The following NTM variants were observed in gnomAD, a reference collection of about 807,000 sequenced individuals.
The protein encoded by NTM is neurotrimin, also known as IgLON family member 2.
In NTM, 13 loss-of-function variants were observed where a neutral mutation model predicts 42.1. That is an observed-to-expected ratio of 0.31 (90% CI 0.20 to 0.49). The LOEUF (loss-of-function observed/expected upper bound fraction) is 0.49. NTM is among the 20% of genes least tolerant of loss of function. The pLI is 0.99. For missense variants in NTM, 373 were observed against 452.8 expected (o/e 0.82, Z 1.60); for synonymous variants, 187 against 179.2 (o/e 1.04, Z -0.35).
intron 1 of NTM, among the ~76,000 whole-genome samples, chr11:131,830,189 A>C (rs918255820): frequency 6.6e-6 from 1 of 152,006 alleles, no homozygotes; most frequent in Non-Finnish European, 1.5e-5. Flanking sequence ...ATTAAGTTCC[A>C]CTTGTCGATT....
chr11:132,033,176 C>T (rs1432911321), intron 2 of NTM, among the ~76,000 whole-genome samples: 1 of 152,170 alleles, frequency 6.6e-6, no homozygotes, highest in Non-Finnish European at 1.5e-5. Context: ...AGTAGCACTG[C>T]ATGATTGACA....
At chr11:131,443,494 T>A (rs1949786180) in intron 1 of NTM, among the ~76,000 whole-genome samples, 1 of 152,168 alleles carries the variant, frequency 6.6e-6, no homozygotes, top group African/African-American at 2.4e-5. Context: ...AGTGAGTACA[T>A]GAGTCAAACT....
intron 1 of NTM, among the ~76,000 whole-genome samples, chr11:131,694,095 TCCC>T (rs1444234979): frequency 1.3e-5 from 2 of 152,198 alleles, no homozygotes; most frequent in African/African-American, 4.8e-5. Context: ...CTTGTTCTCC[TCCC>T]TGCCAAGGTT....
chr11:132,104,974 T>C (rs1260708860), intron 2 of NTM, among the ~76,000 whole-genome samples: 1 of 121,570 alleles, frequency 8.2e-6, no homozygotes, highest in African/African-American at 3.2e-5. Context: ...TATATATATA[T>C]ATATATATAT....
rs141814355 is a variant in NTM, at chr11:131,641,868, G to A, written c.83-269696G>A. ...CAGCCTCCCCAGTAGCTGGGACTAC[G>A]GGCACATGCCACCACGCTCAGTTAA... On this transcript the variant is annotated intron_variant, in intron 1 of 8. Transcript: ENST00000683400. Among the ~76,000 whole-genome samples, 412 of 151,874 alleles carry A rather than the reference G, an allele frequency of 2.7e-3. 4 individuals are homozygous for A. Among genetic ancestry groups the A allele is most frequent in the African/African-American group, 9.4e-3 (389 of 41,438 alleles).
intron 4 of NTM, among the ~76,000 whole-genome samples, chr11:132,228,938 C>T (rs2086884761): frequency 6.6e-6 from 1 of 152,048 alleles, no homozygotes; most frequent in African/African-American, 2.4e-5. Flanking sequence ...GGAAGGAACC[C>T]TAGGACCTTC....
chr11:131,523,782 CAAAAAAAAAAAAAA>C (rs3040114), intron 1 of NTM, among the ~76,000 whole-genome samples: 2 of 72,198 alleles, frequency 2.8e-5, no homozygotes, highest in South Asian at 1.1e-3. Context: ...GACTCCATCT[CAAAAAAAAAAAAAA>C]AAAAAAAAAG....
At chr11:131,647,219 A>G (rs780649336) in intron 1 of NTM, among the ~76,000 whole-genome samples, 2 of 152,250 alleles carry the variant, frequency 1.3e-5, no homozygotes, top group Non-Finnish European at 1.5e-5. Context: ...GAGACTCAGA[A>G]GCATTTGATG....
In NTM at chr11:132,135,959, C is replaced by T. The variant is rs147826932; in HGVS notation, c.168-10323C>T. On this transcript the variant is annotated intron_variant, in intron 2 of 8. Transcript: ENST00000683400. ...ATGCATCTTGTTCCCCAAGGTGCCACGTCACCTAGGTTAACTATCTGGAGA... is the reference window on the plus strand; with the variant it reads ...ATGCATCTTGTTCCCCAAGGTGCCATGTCACCTAGGTTAACTATCTGGAGA... Among the ~76,000 whole-genome samples, 85 of 152,284 alleles carry T rather than the reference C, an allele frequency of 5.6e-4. No individual in the cohort carries two copies. The East Asian group carries it at 0.016, about 29-fold the overall frequency.
chr11:132,019,000 G>A (rs752925113), intron 2 of NTM, among the ~76,000 whole-genome samples: 3 of 151,892 alleles, frequency 2.0e-5, no homozygotes, highest in Non-Finnish European at 1.5e-5. Context: ...GTCGGCATAA[G>A]GTTGTTAATA....
At chr11:131,409,947 C>T (rs1464022107) in intron 1 of NTM, among the ~76,000 whole-genome samples, 1 of 152,024 alleles carries the variant, frequency 6.6e-6, no homozygotes. Context: ...GCAATTAATA[C>T]AAAAAAGCAA....
intron 4 of NTM, among the ~76,000 whole-genome samples, chr11:132,223,447 G>A (rs2085557228): frequency 6.6e-6 from 1 of 152,158 alleles, no homozygotes; most frequent in Non-Finnish European, 1.5e-5. Context: ...TAGCTCGGCA[G>A]GAGTACTCCT....
intron 1 of NTM, among the ~76,000 whole-genome samples, chr11:131,422,208 AC>A (rs1947608697): frequency 9.8e-6 from 1 of 101,974 alleles, no homozygotes; most frequent in Non-Finnish European, 2.4e-5. Flanking sequence ...ACATCTGAGA[AC>A]AGTCACATTT....
intron 1 of NTM, among the ~76,000 whole-genome samples, chr11:131,858,483 A>G (rs1453086954): frequency 2.0e-5 from 3 of 152,236 alleles, no homozygotes; most frequent in Non-Finnish European, 4.4e-5. Context: ...TGAGGAGCTC[A>G]GTATTTTTTG....
intron 1 of NTM, among the ~76,000 whole-genome samples, chr11:131,434,146 A>G (rs1162059199): frequency 1.3e-5 from 2 of 152,218 alleles, no homozygotes. Context: ...TTATGGCTGC[A>G]TAATATTCCA....
chr11:131,827,894 C>T (rs181152302), intron 1 of NTM, among the ~76,000 whole-genome samples: 5 of 152,274 alleles, frequency 3.3e-5, no homozygotes, highest in Admixed American at 1.3e-4. Flanking sequence ...CTAATACCCT[C>T]CAGGTCTCCT....
At chr11:131,423,692 A>G (rs897609432) in intron 1 of NTM, among the ~76,000 whole-genome samples, 1 of 152,188 alleles carries the variant, frequency 6.6e-6, no homozygotes, top group Non-Finnish European at 1.5e-5. Flanking sequence ...CCCCGAGACC[A>G]TGAGCGCTTT....
At chr11:132,274,859 C>A (rs1304630946) in intron 4 of NTM, among the ~76,000 whole-genome samples, 1 of 152,028 alleles carries the variant, frequency 6.6e-6, no homozygotes, top group African/African-American at 2.4e-5. Context: ...TCATGTTTTT[C>A]TGCTTAGTAA....
At chr11:131,889,923 T>C (rs1265890111) in intron 1 of NTM, among the ~76,000 whole-genome samples, 3 of 152,086 alleles carry the variant, frequency 2.0e-5, no homozygotes, top group Non-Finnish European at 4.4e-5. Context: ...CTTCAGAAAC[T>C]TCCTACTTAG....
Sources: gnomAD v4.1 joint callset for allele counts (sites outside exome capture counted in the v4.1 genomes callset) on GRCh38, gnomAD v4.1.1 for gene constraint, MANE v1.5 for transcripts, NCBI Gene and HGNC (gene_info 2026-07-23, HGNC 2026-07-21) for gene names.